Variants in FAAH2 observed in about 807,000 individuals in gnomAD.
FAAH2 encodes the protein fatty acid amide hydrolase 2, also known as fatty-acid amide hydrolase 2.
Under a neutral mutation model 36.9 loss-of-function variants are expected in FAAH2, and 60 were observed. The observed-to-expected ratio is 1.63, with a 90% CI of 1.32 to 2.02. The LOEUF (loss-of-function observed/expected upper bound fraction) is 2.02, where lower values mean the gene tolerates loss of function less well. Ranked by LOEUF, FAAH2 falls within the 30% of genes most tolerant of loss-of-function variation. The probability of loss-of-function intolerance (pLI) is 0.00; values close to 1 mark genes in which losing one functional copy is unlikely to be tolerated. For synonymous variants in FAAH2, 214 were observed against 143.8 expected, an observed-to-expected ratio of 1.49 and a Z score of -3.49; for missense variants, 689 against 397.5, an observed-to-expected ratio of 1.73 and a Z score of -6.23.
At chrX:57,248,163 C>A in the FAAH2 span, among the ~76,000 whole-genome samples, 1 of 111,992 alleles carries the variant, frequency 8.9e-6, no homozygotes, top group African/African-American at 3.2e-5. Context: ...AGAACAATGA[C>A]ATTTAGATAA....
the FAAH2 span, among the ~76,000 whole-genome samples, chrX:57,233,542 C>G: frequency 9.0e-5 from 10 of 111,632 alleles, no homozygotes; most frequent in Non-Finnish European, 1.7e-4. Flanking sequence ...ACTTTTAGAA[C>G]AAGGTGAGGG....
chrX:57,367,305 T>C (rs954246486), intron 5 of FAAH2, among the ~76,000 whole-genome samples: 40 of 112,356 alleles, frequency 3.6e-4, no homozygotes, highest in African/African-American at 1.3e-3. Flanking sequence ...TTTTTCATTA[T>C]GTTGACATTT....
the FAAH2 span, among the ~76,000 whole-genome samples, chrX:57,272,147 T>G: frequency 4.7e-5 from 5 of 105,498 alleles, no homozygotes; most frequent in Non-Finnish European, 9.7e-5. Flanking sequence ...GAAGAAAGGA[T>G]ATCAGTGATT....
chrX:57,465,315 T>C (rs1415278819), intron 10 of FAAH2, among the ~76,000 whole-genome samples: 1 of 110,916 alleles, frequency 9.0e-6, no homozygotes, highest in African/African-American at 3.3e-5. Flanking sequence ...GGGAGATGAG[T>C]AAGAAAAGAT....
intron 5 of FAAH2, among the ~76,000 whole-genome samples, chrX:57,363,730 G>T (rs951046017): frequency 1.8e-5 from 2 of 110,717 alleles, no homozygotes; most frequent in Non-Finnish European, 3.8e-5. Flanking sequence ...TTATTTTGAG[G>T]TATGTTCTAT....
the FAAH2 span, among the ~76,000 whole-genome samples, chrX:57,175,194 C>T: frequency 6.3e-5 from 7 of 111,601 alleles, no homozygotes; most frequent in East Asian, 5.6e-4. Flanking sequence ...ATTACTACTG[C>T]GTCACTGTCT....
chrX:57,439,695 G>A (rs180769389), intron 8 of FAAH2, among the ~76,000 whole-genome samples: 3 of 111,827 alleles, frequency 2.7e-5, no homozygotes, highest in Non-Finnish European at 5.6e-5. Flanking sequence ...GTCCTGAATG[G>A]TATTGCCTAG....
intron 10 of FAAH2, among the ~76,000 whole-genome samples, chrX:57,450,661 T>C (rs1227485327): frequency 1.8e-5 from 2 of 111,271 alleles, no homozygotes; most frequent in Non-Finnish European, 1.9e-5. Context: ...CTCAAGCTTG[T>C]ATAAGCTTTT....
At chrX:57,214,081 TG>T in the FAAH2 span, among the ~76,000 whole-genome samples, 2 of 112,072 alleles carry the variant, frequency 1.8e-5, no homozygotes, top group African/African-American at 6.5e-5. Flanking sequence ...TTTTTACTGT[TG>T]TTGATTTAAA....
At chrX:57,486,754 G>A (rs1488185346) in intron 10 of FAAH2, among the ~76,000 whole-genome samples, 1 of 111,549 alleles carries the variant, frequency 9.0e-6, no homozygotes, top group Non-Finnish European at 1.9e-5. Flanking sequence ...ATCTTCTTTG[G>A]CACTGTTACA....
chrX:57,453,528 C>G (rs1159597680), intron 10 of FAAH2, among the ~76,000 whole-genome samples: 1 of 111,275 alleles, frequency 9.0e-6, no homozygotes, highest in Non-Finnish European at 1.9e-5. Flanking sequence ...CATAGCCAGG[C>G]AGCTAGAACT....
intron 5 of FAAH2, among the ~76,000 whole-genome samples, chrX:57,346,485 C>T (rs1320895471): frequency 9.0e-6 from 1 of 111,706 alleles, no homozygotes; most frequent in Non-Finnish European, 1.9e-5. Context: ...TTTTCTCCAT[C>T]GCGTTGCTTT....
chrX:57,173,421 A>G, the FAAH2 span, among the ~76,000 whole-genome samples: 1 of 112,242 alleles, frequency 8.9e-6, no homozygotes, highest in East Asian at 2.8e-4. Context: ...ATTTGTGTGC[A>G]TTACTTTTGT....
At chrX:57,354,539 G>T (rs994059218) in intron 5 of FAAH2, among the ~76,000 whole-genome samples, 1 of 109,985 alleles carries the variant, frequency 9.1e-6, no homozygotes, top group African/African-American at 3.3e-5. Flanking sequence ...TGTAACCTGT[G>T]CATATACCAA....
the FAAH2 span, among the ~76,000 whole-genome samples, chrX:57,228,524 T>A: frequency 9.0e-6 from 1 of 111,124 alleles, no homozygotes; most frequent in Non-Finnish European, 1.9e-5. Context: ...GCAGGAGCAG[T>A]CTGCTTCCTT....
At chrX:57,398,892 C>A (rs1048403122) in intron 7 of FAAH2, among the ~76,000 whole-genome samples, 1 of 111,254 alleles carries the variant, frequency 9.0e-6, no homozygotes, top group African/African-American at 3.3e-5. Context: ...TCAGTCACAC[C>A]CTCTCAACAG....
chrX:57,354,502 A>G (rs1429612853), intron 5 of FAAH2, among the ~76,000 whole-genome samples: 1 of 110,052 alleles, frequency 9.1e-6, no homozygotes, highest in African/African-American at 3.3e-5. Context: ...GGTGATGGAT[A>G]CCCTGCAAGC....
At chrX:57,395,601 G>A (rs377373312) in intron 7 of FAAH2, among the ~76,000 whole-genome samples, 10 of 111,710 alleles carry the variant, frequency 9.0e-5, no homozygotes, top group African/African-American at 2.6e-4. Context: ...TTATCAAGTC[G>A]TTTTTCTTCA....
At chrX:57,360,017 C>G in intron 5 of FAAH2, among the ~76,000 whole-genome samples, 1 of 102,171 alleles carries the variant, frequency 9.8e-6, no homozygotes. Context: ...CCAGTCCTTT[C>G]TGTACTGTAA....
Sources: allele counts gnomAD v4.1 joint callset (sites outside exome capture counted in the v4.1 genomes callset), GRCh38; gene constraint gnomAD v4.1.1; transcripts MANE v1.5; gene names NCBI Gene and HGNC (gene_info 2026-07-23, HGNC 2026-07-21).